The following ANKRD42 variants were observed in gnomAD, a reference collection of about 807,000 sequenced individuals.
The protein encoded by ANKRD42 is ankyrin repeat domain 42, also known as ankyrin repeat domain-containing protein 42.
ANKRD42 carries 43 observed loss-of-function variants against 51.5 expected under a neutral mutation model. The ratio of observed to expected loss-of-function variants is 0.83; its 90% CI spans 0.65 to 1.08. The LOEUF is 1.08. Among genes scored for constraint, ANKRD42 ranks in the 50% least tolerant of loss-of-function variants. ANKRD42 has a pLI of 0.00. For missense variants in ANKRD42, 608 were observed against 629.3 expected (o/e 0.97, Z 0.36); for synonymous variants, 203 against 213.0 (o/e 0.95, Z 0.41).
intron 5 of ANKRD42, chr11:83,213,208 C>T (rs1480360548): frequency 6.2e-7 from 1 of 1,600,322 alleles, no homozygotes; most frequent in Non-Finnish European, 8.5e-7. Context: ...AAACAAAGCA[C>T]ATGCTGCCTA....
chr11:83,255,573 A>C (rs752447031), intron 11 of ANKRD42, among the ~76,000 whole-genome samples: 1 of 152,212 alleles, frequency 6.6e-6, no homozygotes, highest in Non-Finnish European at 1.5e-5. Flanking sequence ...AAAATTGGCT[A>C]TATCTGACAA....
At chr11:83,204,080 C>G (rs1382192852) in intron 2 of ANKRD42, among the ~76,000 whole-genome samples, 1 of 152,028 alleles carries the variant, frequency 6.6e-6, no homozygotes, top group Non-Finnish European at 1.5e-5. Flanking sequence ...GTGGCTGGTA[C>G]TGCAGGTGCC....
downstream of ANKRD42, among the ~76,000 whole-genome samples, chr11:83,257,863 A>AGGGAC (rs1235176900): frequency 3.9e-5 from 6 of 152,356 alleles, no homozygotes; most frequent in East Asian, 1.2e-3. Flanking sequence ...GTTGTCCTCC[A>AGGGAC]AAATCCATTC....
downstream of ANKRD42, among the ~76,000 whole-genome samples, chr11:83,253,639 G>A (rs1031462286): frequency 1.3e-5 from 2 of 152,120 alleles, no homozygotes; most frequent in Non-Finnish European, 2.9e-5. Context: ...CATGTATTTA[G>A]TATCTTAATA....
chr11:83,208,210 T>TGG (rs1862155316), intron 3 of ANKRD42, among the ~76,000 whole-genome samples: 1 of 149,746 alleles, frequency 6.7e-6, no homozygotes, highest in African/African-American at 2.5e-5. Context: ...TAGAGATGTC[T>TGG]GTGGGAGGGG....
At chr11:83,222,688 G>A (rs1862751353) in intron 5 of ANKRD42, among the ~76,000 whole-genome samples, 1 of 152,164 alleles carries the variant, frequency 6.6e-6, no homozygotes, top group African/African-American at 2.4e-5. Context: ...GTAATAGTAA[G>A]TCAGTAAGTT....
chr11:83,227,745 A>G lies in ANKRD42; in HGVS notation c.788-2A>G. 1 of 1,603,436 alleles carries G rather than the reference A, an allele frequency of 6.2e-7. No homozygotes were observed. Among genetic ancestry groups the G allele is most frequent in the Non-Finnish European group, 8.5e-7 (1 of 1,177,168 alleles). On this transcript the variant is annotated splice_acceptor_variant, in intron 6 of 10. Transcript: ENST00000533342. LOFTEE classifies it high-confidence loss of function. Reference sequence around the variant, plus strand: ...TGAAATGCTGAATTTTTTTATTCATAGCTTTAGCATTTCCAGGTCATGTGG... The same window carrying G: ...TGAAATGCTGAATTTTTTTATTCATGGCTTTAGCATTTCCAGGTCATGTGG...
intron 2 of ANKRD42, among the ~76,000 whole-genome samples, chr11:83,202,893 G>A (rs576304463): frequency 6.6e-6 from 1 of 150,790 alleles, no homozygotes; most frequent in Non-Finnish European, 1.5e-5. Context: ...CACAAGAAAT[G>A]TTTCTCATGT....
intron 10 of ANKRD42, 122 bp from the exon 11 acceptor site, chr11:83,247,821 G>T: frequency 1.1e-6 from 1 of 891,628 alleles, no homozygotes; most frequent in Non-Finnish European, 1.7e-6. Context: ...ATACATATTT[G>T]TTGAATAAAT....
intron 2 of ANKRD42, among the ~76,000 whole-genome samples, chr11:83,203,085 A>C: frequency 6.8e-6 from 1 of 146,594 alleles, no homozygotes. Context: ...TCTGCCTCCC[A>C]GGTTCAAGCA....
Position 83,224,886 on chromosome 11 carries a change from CTG to C in ANKRD42, c.620_621del (p.Cys207PhefsTer7), listed in dbSNP as rs770654500. 6.2e-7 allele frequency: 1 copy of C among 1,605,476 alleles called. No homozygotes were observed. Among genetic ancestry groups the C allele is most frequent in the Non-Finnish European group, 8.5e-7 (1 of 1,174,712 alleles). ...HLAAMEGHLH[C>X]FKFLVSRMSS... ...TAGCAGCCATGGAAGGCCACCTTCA[CTG>C]TTTCAAATTCCTAGTCAGTAGAATG... is the stretch of plus-strand genomic sequence containing the variant. On this transcript the variant is annotated frameshift_variant, in exon 6 of 11. Transcript: ENST00000533342. LOFTEE classifies it high-confidence loss of function.
intron 10 of ANKRD42, 119 bp downstream of exon 10, chr11:83,245,743 T>C: frequency 8.8e-7 from 1 of 1,141,098 alleles, no homozygotes; most frequent in Non-Finnish European, 1.2e-6. Flanking sequence ...TTCCATCCTG[T>C]TTTTCTCCTA....
At chr11:83,222,746 A>G (rs1388063757) in intron 5 of ANKRD42, among the ~76,000 whole-genome samples, 1 of 152,184 alleles carries the variant, frequency 6.6e-6, no homozygotes, top group Non-Finnish European at 1.5e-5. Flanking sequence ...TTGGAGAAGT[A>G]AGAGGAGCCA....
At chr11:83,241,463 G>GTGA (rs2135551170) in intron 9 of ANKRD42, among the ~76,000 whole-genome samples, 1 of 152,294 alleles carries the variant, frequency 6.6e-6, no homozygotes, top group South Asian at 2.1e-4. Context: ...CCTCTCTGAG[G>GTGA]TGGTGATGTT....
At chr11:83,247,084 T>C (rs891962332) in intron 10 of ANKRD42, among the ~76,000 whole-genome samples, 1 of 152,034 alleles carries the variant, frequency 6.6e-6, no homozygotes, top group Non-Finnish European at 1.5e-5. Flanking sequence ...GGCTGTCCAC[T>C]GCCTCTATAC....
intron 5 of ANKRD42, chr11:83,215,317 A>T (rs549799668): frequency 1.8e-4 from 28 of 151,844 alleles, no homozygotes; most frequent in African/African-American, 6.3e-4. Flanking sequence ...TTCTAGTTGC[A>T]TGGAGTATCT....
At chr11:83,253,483 G>A (rs535394389), downstream of ANKRD42, among the ~76,000 whole-genome samples, 1 of 152,302 alleles carries the variant, frequency 6.6e-6, no homozygotes, top group African/African-American at 2.4e-5. Context: ...AGTTTTATAT[G>A]TAGAATTTTA....
chr11:83,255,611 C>A lies in ANKRD42; in HGVS notation c.1465-234C>A, dbSNP rs369914593. Among the ~76,000 whole-genome samples, 7 of 152,254 alleles carry A rather than the reference C, an allele frequency of 4.6e-5. No individual in the cohort carries two copies. The South Asian group carries it at 1.5e-3, about 32-fold the overall frequency. ...AGCCACTTCTTACCCACTAAATTTT[C>A]TATATTCTTTCTCTAGTTCTTAAGG... On this transcript the variant is annotated intron_variant, in intron 11 of 11. Coordinates refer to the ANKRD42 transcript ENST00000260047.
chr11:83,198,656 C>T lies in ANKRD42; in HGVS notation c.222+14C>T. The T allele has an allele frequency of 6.4e-7, 1 of 1,560,738 alleles. No homozygotes were observed. Among genetic ancestry groups the T allele is most frequent in the Non-Finnish European group, 8.7e-7 (1 of 1,151,912 alleles). ...GGAAGTTTGGAGGTAAGAAACTATA[C>T]ATATCACTAAACTGAGGTAAGTTTT... On this transcript the variant is annotated intron_variant, in intron 2 of 10. Coordinates refer to ENST00000533342, the MANE Select transcript of ANKRD42 (RefSeq NM_001300975.2).
Sources: allele counts gnomAD v4.1 joint callset (sites outside exome capture counted in the v4.1 genomes callset), GRCh38; gene constraint gnomAD v4.1.1; transcripts MANE v1.5; gene names NCBI Gene and HGNC (gene_info 2026-07-23, HGNC 2026-07-21).